Variants in FNBP1L observed in about 807,000 individuals in gnomAD.
FNBP1L encodes formin-binding protein 1-like.
FNBP1L carries 36 observed loss-of-function variants against 91.2 expected under a neutral mutation model. The ratio of observed to expected loss-of-function variants is 0.39; its 90% CI spans 0.30 to 0.52. FNBP1L has a LOEUF of 0.52. Among genes scored for constraint, FNBP1L ranks in the 20% least tolerant of loss-of-function variants. The pLI is 0.66. For synonymous variants in FNBP1L, 242 were observed against 237.0 expected (o/e 1.02, Z -0.19); for missense variants, 571 against 732.1 (o/e 0.78, Z 2.54).
chr1:93,500,123 G>A (rs1215883003), intron 2 of FNBP1L, among the ~76,000 whole-genome samples: 1 of 152,164 alleles, frequency 6.6e-6, no homozygotes, highest in Non-Finnish European at 1.5e-5. Context: ...ACAAGTAGTT[G>A]CTGGAACTTA....
At chr1:93,489,537 A>C (rs1341534637) in intron 1 of FNBP1L, among the ~76,000 whole-genome samples, 2 of 152,156 alleles carry the variant, frequency 1.3e-5, no homozygotes, top group Non-Finnish European at 2.9e-5. Context: ...GGTGGAGTGG[A>C]AGTGAAAATC....
chr1:93,522,860 A>G (rs1671376842), intron 3 of FNBP1L, among the ~76,000 whole-genome samples: 1 of 152,142 alleles, frequency 6.6e-6, no homozygotes, highest in Non-Finnish European at 1.5e-5. Context: ...TTTGGTGTCA[A>G]CTATAATGGC....
intron 1 of FNBP1L, among the ~76,000 whole-genome samples, chr1:93,457,121 T>G (rs1207292528): frequency 6.6e-6 from 1 of 152,162 alleles, no homozygotes; most frequent in Non-Finnish European, 1.5e-5. Context: ...TGGGCTCAAG[T>G]GATCCATCTG....
At position 93,554,368 on chromosome 1, in the gene FNBP1L, C is replaced by G. The variant is rs1327699853; in HGVS notation, c.*1952C>G. The G allele has an allele frequency of 2.0e-5, 3 of 152,598 alleles. No homozygotes were observed. Among genetic ancestry groups the G allele is most frequent in the Admixed American group, 6.5e-5 (1 of 15,282 alleles). The allele number at this position is 152,598 out of a possible 1,614,324, so 9.5% of individuals were successfully genotyped here. ...AGGACTAACTGTTCTTTTCAAGCTA[C>G]TGTTTGTTTTTCTAAAAGCAGGATT... On this transcript the variant is annotated 3_prime_UTR_variant, in exon 17 of 17. Coordinates refer to ENST00000271234, the MANE Select transcript of FNBP1L (RefSeq NM_001164473.3).
chr1:93,510,578 C>A (rs1187868984), intron 2 of FNBP1L, among the ~76,000 whole-genome samples: 3 of 151,304 alleles, frequency 2.0e-5, no homozygotes, highest in African/African-American at 2.4e-5. Flanking sequence ...AACACAGTTC[C>A]TCACCAGCAA....
Position 93,546,878 on chromosome 1 carries a change from G to T in FNBP1L, c.1311G>T (p.Lys437Asn). Residue 437 changes from lysine to asparagine, a missense_variant, in exon 13 of 17, where the codon AAG (lysine) becomes AAT (asparagine). Coordinates refer to ENST00000271234, the MANE Select transcript of FNBP1L (RefSeq NM_001164473.3). ...ACAAAATGAAAGATGTATATGAGAA[G>T]AATCCACAAATGGGGGATCCAGGGA... ...ALNKMKDVYEKNPQMGDPGSL... is the reference protein window; with the variant it reads ...ALNKMKDVYENNPQMGDPGSL... 1 of 1,612,914 alleles carries T rather than the reference G, an allele frequency of 6.2e-7. No homozygotes were observed. Among genetic ancestry groups the T allele is most frequent in the Non-Finnish European group, 8.5e-7 (1 of 1,179,402 alleles).
At chr1:93,506,214 A>G (rs1670607522) in intron 2 of FNBP1L, among the ~76,000 whole-genome samples, 1 of 152,086 alleles carries the variant, frequency 6.6e-6, no homozygotes, top group South Asian at 2.1e-4. Flanking sequence ...AAAAATAAGG[A>G]CAGTATCTGA....
intron 1 of FNBP1L, among the ~76,000 whole-genome samples, chr1:93,460,279 G>A (rs960101033): frequency 2.6e-5 from 4 of 152,136 alleles, no homozygotes; most frequent in African/African-American, 9.7e-5. Context: ...CCCTTTTGGT[G>A]TGTGACGACA....
intron 10 of FNBP1L, 78 bp from the exon 11 acceptor site, chr1:93,540,964 T>C: frequency 1.6e-6 from 2 of 1,231,940 alleles, no homozygotes; most frequent in Non-Finnish European, 1.1e-6. Flanking sequence ...TGAAAAAGAA[T>C]AGGCTATTGC....
intron 2 of FNBP1L, among the ~76,000 whole-genome samples, chr1:93,516,539 G>A (rs1671123703): frequency 6.6e-6 from 1 of 152,094 alleles, no homozygotes; most frequent in African/African-American, 2.4e-5. Flanking sequence ...TCCTGGGCTG[G>A]GCACGATGGC....
chr1:93,503,891 A>G (rs903686998), intron 2 of FNBP1L, among the ~76,000 whole-genome samples: 2 of 152,208 alleles, frequency 1.3e-5, no homozygotes, highest in Non-Finnish European at 2.9e-5. Context: ...ATTAAGTTCT[A>G]TCATAGAGAT....
chr1:93,535,275 A>C (rs1176925702), intron 9 of FNBP1L, among the ~76,000 whole-genome samples: 1 of 152,138 alleles, frequency 6.6e-6, no homozygotes, highest in African/African-American at 2.4e-5. Flanking sequence ...GCCATAATAC[A>C]TGTCAAGTTA....
At chr1:93,547,595 T>C (rs1376565031) in intron 14 of FNBP1L, among the ~76,000 whole-genome samples, 154 bp downstream of exon 14, 1 of 152,166 alleles carries the variant, frequency 6.6e-6, no homozygotes, top group African/African-American at 2.4e-5. Context: ...TCTTTAGTGA[T>C]AATTACAGGT....
chr1:93,476,855 G>A lies in FNBP1L; in HGVS notation c.25-22613G>A, dbSNP rs569111675. 2.0e-5 allele frequency among the ~76,000 whole-genome samples: 3 copies of A among 152,154 alleles called. No homozygotes were observed. The East Asian group carries it at 5.8e-4, about 29-fold the overall frequency. On this transcript the variant is annotated intron_variant, in intron 1 of 16. Transcript: ENST00000271234. ...AAAGATGTGTTACTGAAGTTGATAA[G>A]GTGACCACCATTCACAGGACACTTA... is the stretch of plus-strand genomic sequence containing the variant.
chr1:93,523,259 C>T (rs1014534855), intron 3 of FNBP1L, 85 bp from the exon 4 acceptor site: 13 of 1,349,024 alleles, frequency 9.6e-6, no homozygotes, highest in Non-Finnish European at 1.1e-5. Flanking sequence ...CTAAAATTTG[C>T]GAAATGTTAG....
At chr1:93,543,838 T>C (rs925519402) in intron 11 of FNBP1L, 10 of 219,272 alleles carry the variant, frequency 4.6e-5, no homozygotes, top group Middle Eastern at 3.2e-3. Context: ...CTACCAGTTA[T>C]CTGTATCTGG....
intron 10 of FNBP1L, among the ~76,000 whole-genome samples, chr1:93,537,789 C>T (rs905061438): frequency 1.3e-5 from 2 of 152,118 alleles, no homozygotes; most frequent in African/African-American, 4.8e-5. Flanking sequence ...ATTTCTATTG[C>T]CTGAGTTACA....
At chr1:93,530,267 ATAT>A (rs1044028830) in intron 6 of FNBP1L, among the ~76,000 whole-genome samples, 5 of 152,158 alleles carry the variant, frequency 3.3e-5, no homozygotes, top group African/African-American at 9.6e-5. Context: ...TTCAACAATC[ATAT>A]TATTATTTAG....
rs144236359 is a variant in FNBP1L at position 93,486,812 on chromosome 1, A to G, written c.25-12656A>G. On this transcript the variant is annotated intron_variant, in intron 1 of 16. Transcript: ENST00000271234. ...TGCTCTTAGCAAAGGCTCAGTGCTC[A>G]TTGCTCCAGCAATGAACACTGCTTC... Among the ~76,000 whole-genome samples, 9 of 152,266 alleles carry G rather than the reference A, an allele frequency of 5.9e-5. No homozygotes were observed. The East Asian group carries it at 1.7e-3, about 29-fold the overall frequency.
Sources: gnomAD v4.1 joint callset for allele counts (sites outside exome capture counted in the v4.1 genomes callset) on GRCh38, gnomAD v4.1.1 for gene constraint, MANE v1.5 for transcripts, NCBI Gene and HGNC (gene_info 2026-07-23, HGNC 2026-07-21) for gene names.